Variants in SETBP1 observed in about 807,000 individuals in gnomAD.
SETBP1 encodes SET-binding protein.
In SETBP1, 9 loss-of-function variants were observed where a neutral mutation model predicts 101.0. The observed-to-expected ratio is 0.09, with a 90% CI of 0.05 to 0.16. The LOEUF (loss-of-function observed/expected upper bound fraction) is 0.16, where lower values mean the gene tolerates loss of function less well. Ranked by LOEUF, SETBP1 falls within the 10% of genes least tolerant of loss-of-function variation. The probability of loss-of-function intolerance (pLI) is 1.00; values close to 1 mark genes in which losing one functional copy is unlikely to be tolerated. For synonymous variants in SETBP1, 818 were observed against 788.5 expected, an observed-to-expected ratio of 1.04 and a Z score of -0.63; for missense variants, 1,858 against 2,033.8, an observed-to-expected ratio of 0.91 and a Z score of 1.66.
chr18:44,798,268 G>T (rs1210910867), intron 2 of SETBP1, among the ~76,000 whole-genome samples: 1 of 152,202 alleles, frequency 6.6e-6, no homozygotes, highest in South Asian at 2.1e-4. Flanking sequence ...AAAAAAAATG[G>T]TGTTCAAAAA....
chr18:44,951,809 C>G lies in SETBP1; in HGVS notation c.2469C>G (p.His823Gln), dbSNP rs1453459518. Residue 823 changes from histidine (H) to glutamine (Q), a missense_variant, in exon 4 of 6, where the codon CAC becomes CAG. His to Gln is a conservative substitution (Grantham distance 24). Around this residue, in one of 12 missense-constraint regions of SETBP1, gnomAD observed 121 missense variants for 138.0 expected, o/e 0.88. Coordinates refer to ENST00000649279, the MANE Select transcript of SETBP1 (RefSeq NM_015559.3). This position sits in a 1 kb window ranked among gnomAD's most constrained non-coding sequence, Gnocchi z 7.8. Reference protein sequence around the residue: ...ALPTKTQKGIHSGTWKLSPPR... With the variant: ...ALPTKTQKGIQSGTWKLSPPR... Reference sequence around the variant, plus strand: ...CAACCAAAACCCAAAAGGGAATACACAGTGGAACCTGGAAGCTGTCTCCAC... The same window carrying G: ...CAACCAAAACCCAAAAGGGAATACAGAGTGGAACCTGGAAGCTGTCTCCAC... The G allele has an allele frequency of 1.2e-6, 2 of 1,614,110 alleles. No homozygotes were observed. Among genetic ancestry groups the G allele is most frequent in the Non-Finnish European group, 1.7e-6 (2 of 1,180,038 alleles).
rs191892904 is a variant in SETBP1 at position 44,742,261 on chromosome 18, C to A, written c.486+40429C>A. On this transcript the variant is annotated intron_variant, in intron 2 of 5. Coordinates refer to ENST00000649279, the MANE Select transcript of SETBP1 (RefSeq NM_015559.3). The stretch of plus-strand genomic sequence containing the variant: ...GCAATGCAGCAAAAGTGGGTGATCT[C>A]AGCCCCGCACCCCGGTCTCCTGACT... Among the ~76,000 whole-genome samples, 38 of 152,350 alleles carry A rather than the reference C, an allele frequency of 2.5e-4. 1 individual carries two copies. The highest frequency in any genetic ancestry group is 2.2e-3 in the Admixed American group (33 of 15,308).
At chr18:44,842,334 C>T (rs1427469339) in intron 2 of SETBP1, among the ~76,000 whole-genome samples, 4 of 152,136 alleles carry the variant, frequency 2.6e-5, no homozygotes, top group Non-Finnish European at 4.4e-5. Flanking sequence ...AATAGGTCAC[C>T]GGACATTATG....
At chr18:45,035,709 G>A (rs1267936400) in intron 4 of SETBP1, among the ~76,000 whole-genome samples, 2 of 152,220 alleles carry the variant, frequency 1.3e-5, no homozygotes, top group African/African-American at 4.8e-5. Context: ...CAGGTATAAA[G>A]ATGACATATC....
At position 45,066,489 on chromosome 18, in the gene SETBP1, A is replaced by G. The variant is rs142310022; in HGVS notation, c.*2791A>G. Reference sequence around the variant, plus strand: ...TAACCTAACTCATCTCATCAGTACAACCATTTTCTTATTCTCTAACTACCC... The same window carrying G: ...TAACCTAACTCATCTCATCAGTACAGCCATTTTCTTATTCTCTAACTACCC... On this transcript the variant is annotated 3_prime_UTR_variant, in exon 6 of 6. Coordinates refer to ENST00000649279, the MANE Select transcript of SETBP1 (RefSeq NM_015559.3). The G allele has an allele frequency of 1.3e-3, 195 of 152,094 alleles. No individual in the cohort carries two copies. The highest frequency in any genetic ancestry group is 4.8e-3 in the South Asian group (23 of 4,782). 9.4% of individuals were successfully genotyped at this position (152,094 alleles called of 1,614,324 possible).
intron 1 of SETBP1, among the ~76,000 whole-genome samples, chr18:44,688,547 G>A (rs2068875334): frequency 6.6e-6 from 1 of 151,580 alleles, no homozygotes; most frequent in Admixed American, 6.6e-5. Context: ...CCACCTCCTG[G>A]GTTCAAGCAA....
At chr18:44,995,611 C>A (rs1358113510) in intron 4 of SETBP1, among the ~76,000 whole-genome samples, 1 of 143,942 alleles carries the variant, frequency 6.9e-6, no homozygotes, top group Non-Finnish European at 1.5e-5. Flanking sequence ...TTTCTGTATT[C>A]ATCCATTTAT....
intron 3 of SETBP1, among the ~76,000 whole-genome samples, chr18:44,874,716 A>G (rs2144707122): frequency 1.3e-5 from 2 of 152,260 alleles, no homozygotes; most frequent in South Asian, 4.2e-4. Flanking sequence ...GTCCTGTTCA[A>G]ATGAACTGTT....
At position 45,021,018 on chromosome 18, in the gene SETBP1, T is replaced by C. The variant is rs891410829; in HGVS notation, c.4001-17467T>C. Among the ~76,000 whole-genome samples, 5 of 152,256 alleles carry C rather than the reference T, an allele frequency of 3.3e-5. No homozygotes were observed. The East Asian group carries it at 9.6e-4, about 29-fold the overall frequency. The stretch of plus-strand genomic sequence containing the variant: ...CATCACTGCCCTTTCTTGGTTATTA[T>C]ACCAATTCTTTTCATCTTTATCTTG... On this transcript the variant is annotated intron_variant, in intron 4 of 5. Coordinates refer to ENST00000649279, the MANE Select transcript of SETBP1 (RefSeq NM_015559.3).
At chr18:44,747,924 T>G (rs1412932067) in intron 2 of SETBP1, among the ~76,000 whole-genome samples, 1 of 152,180 alleles carries the variant, frequency 6.6e-6, no homozygotes, top group African/African-American at 2.4e-5. Context: ...TAGTTCTGAT[T>G]CTTATGTAGA....
intron 2 of SETBP1, among the ~76,000 whole-genome samples, chr18:44,825,623 T>C (rs1285066990): frequency 2.6e-5 from 4 of 152,236 alleles, no homozygotes; most frequent in Non-Finnish European, 5.9e-5. Flanking sequence ...TTTATCAACA[T>C]TGGGACAATC....
intron 2 of SETBP1, among the ~76,000 whole-genome samples, chr18:44,717,922 G>C (rs1347863122): frequency 1.3e-5 from 2 of 152,172 alleles, no homozygotes; most frequent in African/African-American, 4.8e-5. Flanking sequence ...ATCTGTGTGT[G>C]TGTGTGTGTG....
chr18:45,044,918 G>A (rs749536039), intron 5 of SETBP1, among the ~76,000 whole-genome samples: 2 of 152,256 alleles, frequency 1.3e-5, no homozygotes, highest in Admixed American at 6.5e-5. Context: ...TCATAACCTC[G>A]TGGTTTATCT....
chr18:44,760,114 T>G (rs1377496682), intron 2 of SETBP1, among the ~76,000 whole-genome samples: 1 of 152,214 alleles, frequency 6.6e-6, no homozygotes, highest in Non-Finnish European at 1.5e-5. Flanking sequence ...CCCTGACTGG[T>G]GGTTCCATTT....
At chr18:44,838,322 G>GC (rs1245593689) in intron 2 of SETBP1, among the ~76,000 whole-genome samples, 6 of 152,108 alleles carry the variant, frequency 3.9e-5, no homozygotes, top group African/African-American at 1.4e-4. Context: ...TTCACACCCT[G>GC]CGCAGTGTCT....
chr18:44,982,649 A>T lies in SETBP1; in HGVS notation c.4000+29309A>T, dbSNP rs74750228. ...ATAGAGACTGAAAGCTCTATCATTT[A>T]TGTATTTCTTCTGCAGCAGAATATA... On this transcript the variant is annotated intron_variant, in intron 4 of 5. Coordinates refer to ENST00000649279, the MANE Select transcript of SETBP1 (RefSeq NM_015559.3). 4.1e-3 allele frequency among the ~76,000 whole-genome samples: 621 copies of T among 152,334 alleles called. 6 individuals carry two copies. The highest frequency in any genetic ancestry group is 0.023 in the East Asian group (121 of 5,192).
chr18:44,919,190 T>C (rs1276000956), intron 3 of SETBP1, among the ~76,000 whole-genome samples: 1 of 152,154 alleles, frequency 6.6e-6, no homozygotes, highest in Non-Finnish European at 1.5e-5. Context: ...AAAAATATAA[T>C]ACATTAAGAG....
intron 2 of SETBP1, among the ~76,000 whole-genome samples, chr18:44,845,069 T>C (rs1328093098): frequency 6.6e-6 from 1 of 152,116 alleles, no homozygotes. Flanking sequence ...AAAAGAGTGA[T>C]ATGTGGCTAT....
rs1440750797 is a variant in SETBP1, at chr18:44,903,804, A to G, written c.540+34521A>G. Among the ~76,000 whole-genome samples, 5 of 152,250 alleles carry G rather than the reference A, an allele frequency of 3.3e-5. No homozygotes were observed. In the South Asian group the frequency reaches 8.3e-4, roughly 25 times the overall value. ...ATCTAATTTCACAGAGTAGGTGCTC[A>G]GTAAATACCACAGTGGTTAAATTGA... On this transcript the variant is annotated intron_variant, in intron 3 of 5. Transcript: ENST00000649279.
Sources: gnomAD v4.1 joint callset for allele counts (sites outside exome capture counted in the v4.1 genomes callset) on GRCh38, gnomAD v4.1.1 for gene constraint, gnomAD v4.1.1 regional missense constraint, Gnocchi (gnomAD v3.1) non-coding constraint, MANE v1.5 for transcripts, NCBI Gene and HGNC (gene_info 2026-07-23, HGNC 2026-07-21) for gene names.